The following PDILT variants were observed in gnomAD, a reference collection of about 807,000 sequenced individuals.
The protein encoded by PDILT is protein disulfide-isomerase-like protein of the testis.
A neutral mutation model predicts 53.7 loss-of-function variants in PDILT; 43 were observed. That is an observed-to-expected ratio of 0.80 (90% CI 0.63 to 1.03). PDILT has a LOEUF of 1.03. Ranked by LOEUF, PDILT falls within the 50% of genes least tolerant of loss-of-function variation. The pLI, the probability that PDILT is intolerant of heterozygous loss-of-function variation, is 0.00. For missense variants in PDILT, 727 were observed against 712.3 expected (o/e 1.02, Z -0.24); for synonymous variants, 282 against 274.2 (o/e 1.03, Z -0.28).
chr16:20,373,407 C>T (rs76621572), intron 5 of PDILT, among the ~76,000 whole-genome samples: 3,629 of 152,220 alleles, frequency 0.024, 63 homozygotes, highest in Non-Finnish European at 0.034. Context: ...TGTAATCCAT[C>T]AAATATTAAA....
intron 2 of PDILT, among the ~76,000 whole-genome samples, chr16:20,389,964 G>A (rs1596595292): frequency 6.6e-6 from 1 of 152,094 alleles, no homozygotes; most frequent in Admixed American, 6.5e-5. Flanking sequence ...TAGAGGCCAG[G>A]GATACTGCTA....
intron 3 of PDILT, among the ~76,000 whole-genome samples, chr16:20,382,793 G>A (rs546016434): frequency 1.6e-4 from 24 of 152,134 alleles, no homozygotes; most frequent in African/African-American, 2.2e-4. Flanking sequence ...TTCGACGAGC[G>A]GCAGTGATTG....
intron 2 of PDILT, chr16:20,388,837 G>C (rs374585454): frequency 1.3e-5 from 2 of 152,176 alleles, no homozygotes; most frequent in South Asian, 2.1e-4. Context: ...GCTGGAACCT[G>C]GGAGGTGGAG....
At chr16:20,404,318 G>C (rs1966786879) in intron 1 of PDILT, among the ~76,000 whole-genome samples, 178 bp downstream of exon 1, 1 of 152,136 alleles carries the variant, frequency 6.6e-6, no homozygotes, top group Non-Finnish European at 1.5e-5. Flanking sequence ...AATTGATCTG[G>C]GGTTGGGTGA....
At chr16:20,375,105 G>A (rs749043907) in intron 4 of PDILT, 146 bp from the exon 5 acceptor site, 2 of 898,292 alleles carry the variant, frequency 2.2e-6, no homozygotes, top group Non-Finnish European at 3.3e-6. Flanking sequence ...CCTCTTTCAT[G>A]AGTATTTCAT....
At chr16:20,383,089 G>T (rs1056047841) in intron 3 of PDILT, among the ~76,000 whole-genome samples, 2 of 152,150 alleles carry the variant, frequency 1.3e-5, no homozygotes, top group Admixed American at 1.3e-4. Context: ...GGCAGACGAG[G>T]TCCCAGGCAC....
At chr16:20,360,776 TTCCC>T in intron 10 of PDILT, 119 bp from the exon 11 acceptor site, 1 of 713,080 alleles carries the variant, frequency 1.4e-6, no homozygotes, top group Non-Finnish European at 2.5e-6. Context: ...GTTATGCAGG[TTCCC>T]TAACCTCTCT....
At chr16:20,380,949 C>T (rs1022317111) in intron 3 of PDILT, among the ~76,000 whole-genome samples, 2 of 152,198 alleles carry the variant, frequency 1.3e-5, no homozygotes, top group East Asian at 1.9e-4. Flanking sequence ...AGGCACTGCC[C>T]TTGTCAGGGA....
rs114301867 is a variant in PDILT at position 20,397,288 on chromosome 16, A to G, written c.202+1811T>C. On this transcript the variant is annotated intron_variant, in intron 2 of 11. Coordinates refer to ENST00000302451, the MANE Select transcript of PDILT (RefSeq NM_174924.2). ...GTAGCTAGGATTACAGGTGTGTGCT[A>G]CCATTCCTAGCCAACTTTTGTATTT... Among the ~76,000 whole-genome samples, 1,053 of 152,168 alleles carry G rather than the reference A, an allele frequency of 6.9e-3. 7 individuals carry two copies. The highest frequency in any genetic ancestry group is 0.024 in the African/African-American group (978 of 41,516).
intron 3 of PDILT, 27 bp downstream of exon 3, chr16:20,384,618 A>C (rs1426386409): frequency 6.2e-7 from 1 of 1,613,342 alleles, no homozygotes; most frequent in Admixed American, 1.7e-5. Flanking sequence ...TGAGCATGAA[A>C]CAAGTGTGAC....
At chr16:20,363,373 A>G (rs1011247459) in intron 9 of PDILT, among the ~76,000 whole-genome samples, 1 of 152,076 alleles carries the variant, frequency 6.6e-6, no homozygotes. Flanking sequence ...TTCTTTTAAC[A>G]TAGTGTTCCA....
At chr16:20,400,475 T>G (rs1157836616) in intron 1 of PDILT, among the ~76,000 whole-genome samples, 1 of 143,652 alleles carries the variant, frequency 7.0e-6, no homozygotes, top group East Asian at 2.1e-4. Context: ...CACATGAAAA[T>G]CCTCTGGGGA....
chr16:20,377,436 C>T (rs1966402937), intron 3 of PDILT, among the ~76,000 whole-genome samples: 1 of 152,070 alleles, frequency 6.6e-6, no homozygotes, highest in South Asian at 2.1e-4. Flanking sequence ...TGTACTCAGC[C>T]CTGGAGATAT....
chr16:20,387,878 T>A (rs1030477520), intron 2 of PDILT, among the ~76,000 whole-genome samples: 3 of 152,074 alleles, frequency 2.0e-5, no homozygotes, highest in Non-Finnish European at 2.9e-5. Context: ...AGCTACTTTT[T>A]AACTGGATTT....
chr16:20,366,417 C>G (rs1225668153), intron 8 of PDILT, among the ~76,000 whole-genome samples: 1 of 152,180 alleles, frequency 6.6e-6, no homozygotes, highest in African/African-American at 2.4e-5. Flanking sequence ...CTCCCCGCAT[C>G]TAGATGAGGA....
At chr16:20,394,235 G>A (rs780319285) in intron 2 of PDILT, among the ~76,000 whole-genome samples, 30 of 152,338 alleles carry the variant, frequency 2.0e-4, no homozygotes, top group Non-Finnish European at 3.1e-4. Context: ...ATCTCTTGGA[G>A]AAAATAGTTT....
At chr16:20,363,499 G>A (rs1966141539) in intron 9 of PDILT, among the ~76,000 whole-genome samples, 2 of 151,726 alleles carry the variant, frequency 1.3e-5, no homozygotes, top group Admixed American at 1.3e-4. Flanking sequence ...GTGTGTGTGT[G>A]TGCATATGTG....
intron 4 of PDILT, among the ~76,000 whole-genome samples, 198 bp downstream of exon 4, chr16:20,375,870 C>T (rs1199187707): frequency 6.6e-6 from 1 of 152,178 alleles, no homozygotes; most frequent in African/African-American, 2.4e-5. Flanking sequence ...TGTTAAAACC[C>T]ATTAAATACA....
intron 2 of PDILT, among the ~76,000 whole-genome samples, chr16:20,389,469 C>T (rs1159571221): frequency 6.6e-6 from 1 of 152,156 alleles, no homozygotes; most frequent in East Asian, 1.9e-4. Flanking sequence ...CAGATTCTCT[C>T]TGGGAAGGGA....
Sources: allele counts gnomAD v4.1 joint callset (sites outside exome capture counted in the v4.1 genomes callset), GRCh38; gene constraint gnomAD v4.1.1; transcripts MANE v1.5; gene names NCBI Gene and HGNC (gene_info 2026-07-23, HGNC 2026-07-21).